The following GPHN variants were observed in gnomAD, a reference collection of about 807,000 sequenced individuals.
GPHN encodes gephyrin.
A neutral mutation model predicts 95.5 loss-of-function variants in GPHN; 17 were observed. The observed-to-expected ratio is 0.18, with a 90% CI of 0.12 to 0.27. The LOEUF is 0.27. GPHN is among the 10% of genes least tolerant of loss of function. The probability of loss-of-function intolerance (pLI) is 1.00; values close to 1 mark genes in which losing one functional copy is unlikely to be tolerated. For synonymous variants in GPHN, 320 were observed against 322.5 expected (o/e 0.99, Z 0.08); for missense variants, 660 against 978.1 (o/e 0.67, Z 4.34).
the GPHN span, among the ~76,000 whole-genome samples, chr14:67,216,759 T>G: frequency 6.6e-6 from 1 of 152,170 alleles, no homozygotes; most frequent in Non-Finnish European, 1.5e-5. Context: ...TGTGGTCAGA[T>G]AAAATACTTG....
At chr14:67,600,546 C>G in the GPHN span, among the ~76,000 whole-genome samples, 1 of 152,278 alleles carries the variant, frequency 6.6e-6, no homozygotes, top group African/African-American at 2.4e-5. Flanking sequence ...TTGCAGTGAG[C>G]GGAGATCATG....
chr14:67,694,725 G>C, the GPHN span, among the ~76,000 whole-genome samples: 10 of 152,154 alleles, frequency 6.6e-5, no homozygotes, highest in African/African-American at 2.4e-4. Flanking sequence ...AACTGGAAGA[G>C]GGGCACCAGA....
the GPHN span, among the ~76,000 whole-genome samples, chr14:67,716,988 T>C: frequency 6.6e-6 from 1 of 152,130 alleles, no homozygotes; most frequent in Non-Finnish European, 1.5e-5. Flanking sequence ...AAAACAAATA[T>C]AGTGAAATGC....
At chr14:66,725,919 A>T (rs1331185803) in intron 2 of GPHN, among the ~76,000 whole-genome samples, 2 of 152,206 alleles carry the variant, frequency 1.3e-5, no homozygotes, top group South Asian at 2.1e-4. Context: ...CCAAATTGTT[A>T]CTATACTTTG....
At chr14:67,367,183 G>A in the GPHN span, among the ~76,000 whole-genome samples, 2 of 152,214 alleles carry the variant, frequency 1.3e-5, no homozygotes, top group Non-Finnish European at 2.9e-5. Context: ...GGGAGACAGA[G>A]CTTATAGTTT....
chr14:67,014,157 A>G (rs962227901), intron 9 of GPHN, among the ~76,000 whole-genome samples: 1 of 152,126 alleles, frequency 6.6e-6, no homozygotes, highest in East Asian at 1.9e-4. Context: ...AAACAAAAGG[A>G]TAATAGTAGG....
intron 4 of GPHN, chr14:66,842,583 A>G (rs1027886962): frequency 1.2e-6 from 1 of 822,320 alleles, no homozygotes; most frequent in South Asian, 1.6e-5. Context: ...GCTGGTTCTT[A>G]TTTCCCTGAA....
At chr14:66,814,151 A>C (rs1229168770) in intron 3 of GPHN, among the ~76,000 whole-genome samples, 3 of 152,090 alleles carry the variant, frequency 2.0e-5, no homozygotes, top group Non-Finnish European at 4.4e-5. Flanking sequence ...CAGAGCTGGC[A>C]AGTCTCACTC....
At chr14:67,003,565 G>A (rs2072390589) in intron 9 of GPHN, among the ~76,000 whole-genome samples, 1 of 151,638 alleles carries the variant, frequency 6.6e-6, no homozygotes. Context: ...AGTACTCATT[G>A]TAGTGGAAGG....
chr14:66,725,613 A>G (rs912703720), intron 2 of GPHN, among the ~76,000 whole-genome samples: 1 of 152,114 alleles, frequency 6.6e-6, no homozygotes, highest in Non-Finnish European at 1.5e-5. Flanking sequence ...CCTCCTGAGT[A>G]GCTGGGATTA....
At chr14:66,784,551 T>G (rs141664373) in intron 3 of GPHN, among the ~76,000 whole-genome samples, 282 of 152,328 alleles carry the variant, frequency 1.9e-3, no homozygotes, top group African/African-American at 6.4e-3. Context: ...TATGGTATTC[T>G]ATATATGTAC....
chr14:66,604,525 A>G (rs991506940), intron 1 of GPHN, among the ~76,000 whole-genome samples: 1 of 152,126 alleles, frequency 6.6e-6, no homozygotes, highest in South Asian at 2.1e-4. Context: ...ATTTTGGAGT[A>G]TAATTAAAAT....
At chr14:67,146,709 G>GT (rs1710149085) in intron 18 of GPHN, among the ~76,000 whole-genome samples, 1 of 152,176 alleles carries the variant, frequency 6.6e-6, no homozygotes, top group South Asian at 2.1e-4. Context: ...GATTTGTTTT[G>GT]TAAGTCTAGA....
chr14:67,159,586 A>G, intron 19 of GPHN, 98 bp downstream of exon 19: 1 of 784,358 alleles, frequency 1.3e-6, no homozygotes. Flanking sequence ...CCTATTATGA[A>G]TTAACTATTC....
At chr14:67,291,728 T>C in the GPHN span, among the ~76,000 whole-genome samples, 1 of 152,238 alleles carries the variant, frequency 6.6e-6, no homozygotes, top group African/African-American at 2.4e-5. Context: ...CATTAGAGTT[T>C]TATAGACCAC....
the GPHN span, among the ~76,000 whole-genome samples, chr14:67,564,910 C>T: frequency 1.2e-3 from 180 of 152,192 alleles, no homozygotes; most frequent in Middle Eastern, 0.02. Flanking sequence ...TGGCTGGTCT[C>T]GAACTCCCAG....
chr14:67,315,794 G>A, the GPHN span, among the ~76,000 whole-genome samples: 6 of 152,038 alleles, frequency 3.9e-5, no homozygotes, highest in South Asian at 2.1e-4. Flanking sequence ...GCATGGTGGC[G>A]GGCCCCTGTA....
intron 2 of GPHN, among the ~76,000 whole-genome samples, chr14:66,731,049 T>G (rs1470128909): frequency 6.6e-6 from 1 of 152,190 alleles, no homozygotes; most frequent in Non-Finnish European, 1.5e-5. Flanking sequence ...TGGCTCTCTC[T>G]TGCCTACCGC....
intron 1 of GPHN, among the ~76,000 whole-genome samples, chr14:66,659,775 A>G (rs2065530917): frequency 6.6e-6 from 1 of 151,794 alleles, no homozygotes; most frequent in Admixed American, 6.6e-5. Flanking sequence ...ATCTTTTTCC[A>G]TGTTTTTATA....
Sources: gnomAD v4.1 joint callset for allele counts (sites outside exome capture counted in the v4.1 genomes callset) on GRCh38, gnomAD v4.1.1 for gene constraint, MANE v1.5 for transcripts, NCBI Gene and HGNC (gene_info 2026-07-23, HGNC 2026-07-21) for gene names.